SUPT20HL2: variants seen among roughly 807,000 people sequenced by gnomAD.
The protein encoded by SUPT20HL2 is SUPT20H like 2.
For synonymous variants in SUPT20HL2, 125 were observed against 51.6 expected (o/e 2.42, Z -6.10); for missense variants, 288 against 127.4 (o/e 2.26, Z -6.07).
At position 24,312,196 on chromosome X, in the gene SUPT20HL2, T is replaced by A; in HGVS notation, c.1120A>T (p.Arg374Trp). Residue 374 changes from arginine (R) to tryptophan (W), a missense_variant, in exon 1 of 1, where the codon AGG (arginine) becomes TGG (tryptophan). Arg to Trp is a moderately radical substitution (Grantham distance 101). Transcript: ENST00000486479. Reference protein sequence around the residue: ...CGKIRPRKKARQKSQKSPWQP... With the variant: ...CGKIRPRKKAWQKSQKSPWQP... ...CAGGGAGACTTCTGGCTCTTCTGCC[T>A]GGCTTTTTTACGTGGCCGTATTTTA... The A allele has an allele frequency of 2.6e-6, 1 of 385,930 alleles. No homozygotes were observed. The highest frequency in any genetic ancestry group is 2.3e-5 in the South Asian group (1 of 42,630). 31.8% of individuals were successfully genotyped at this position (385,930 alleles called of 1,213,427 possible).
Position 24,314,035 on chromosome X carries a change from C to T in SUPT20HL2, c.-720G>A. 5.5e-6 allele frequency: 2 copies of T among 365,804 alleles called. No homozygotes were observed. Among genetic ancestry groups the T allele is most frequent in the Non-Finnish European group, 1.1e-5 (2 of 187,374 alleles). The allele number at this position is 365,804 out of a possible 1,213,427, so 30.1% of individuals were successfully genotyped here. On this transcript the variant is annotated 5_prime_UTR_variant, in exon 1 of 1. Transcript: ENST00000486479. ...GTACCTGAGGGGTGATTGTCGTGGC[C>T]TGGGCTTCGCGTCTCTGAGTGCTGC...
At position 24,310,820 on chromosome X, in the gene SUPT20HL2, A is replaced by G. The variant is rs1476705965; in HGVS notation, c.*42T>C. 4 of 326,337 alleles carry G rather than the reference A, an allele frequency of 1.2e-5. No homozygotes were observed. The East Asian group carries it at 2.4e-4, about 20-fold the overall frequency. 26.9% of individuals were successfully genotyped at this position (326,337 alleles called of 1,213,427 possible). A position where few individuals can be genotyped will look rare whatever the true frequency, so the allele number is the denominator to read the frequency against. ...TAAAAACTGGGAATTCATGTGGGTC[A>G]GTGCTCCCATGCTTTTAAAAGAGAA... On this transcript the variant is annotated 3_prime_UTR_variant, in exon 1 of 1. Transcript: ENST00000486479.
At position 24,312,783 on chromosome X, in the gene SUPT20HL2, A is replaced by C. The variant is rs1421425668; in HGVS notation, c.533T>G (p.Val178Gly). The C allele has an allele frequency of 2.6e-6, 1 of 386,948 alleles. No individual in the cohort carries two copies. The allele number at this position is 386,948 out of a possible 1,213,427, so 31.9% of individuals were successfully genotyped here. A position where few individuals can be genotyped will look rare whatever the true frequency, so the allele number is the denominator to read the frequency against. The change falls in exon 1 of 1, where the codon GTG (valine) becomes GGG (glycine). Residue 178 changes from valine (V) to glycine (G), a missense_variant. By Grantham distance (109) the Val-to-Gly change is moderately radical. Transcript: ENST00000486479. ...RPTMQTLAPE[V>G]KTMTRDGEKW... ...CTCGCCATCTCTTGTCATCGTCTTCACCTCAGGGGCTAAAGTCTGCATGGT... is the reference window on the plus strand; with the variant it reads ...CTCGCCATCTCTTGTCATCGTCTTCCCCTCAGGGGCTAAAGTCTGCATGGT...
At position 24,309,035 on chromosome X, in the gene SUPT20HL2, T is replaced by C. The variant is rs756179887; in HGVS notation, c.*1827A>G. Reference sequence around the variant, plus strand: ...ATAGAAACAGAAAGCAAATTGGTGGTTGCCAGAGGCTGGGAGTGTGAAGAT... The same window carrying C: ...ATAGAAACAGAAAGCAAATTGGTGGCTGCCAGAGGCTGGGAGTGTGAAGAT... On this transcript the variant is annotated 3_prime_UTR_variant, in exon 1 of 1. Coordinates refer to ENST00000486479, the MANE Select transcript of SUPT20HL2 (RefSeq NM_001136233.3). Among the ~76,000 whole-genome samples, 5 of 111,958 alleles carry C rather than the reference T, an allele frequency of 4.5e-5. No individual in the cohort carries two copies. The East Asian group carries it at 1.4e-3, about 31-fold the overall frequency.
At position 24,309,725 on chromosome X, in the gene SUPT20HL2, T is replaced by TAAAAAAAAAAAAAAAAAAAAAAA. The variant is rs1569195686; in HGVS notation, c.*1136_*1137insTTTTTTTTTTTTTTTTTTTTTTT. 5.9e-5 allele frequency among the ~76,000 whole-genome samples: 1 copy of TAAAAAAAAAAAAAAAAAAAAAAA among 16,883 alleles called. No individual in the cohort carries two copies. The highest frequency in any genetic ancestry group is 9.2e-5 in the Non-Finnish European group (1 of 10,868). The allele number at this position is 16,883 out of a possible 115,157, so 14.7% of individuals were successfully genotyped here. On this transcript the variant is annotated 3_prime_UTR_variant, in exon 1 of 1. Transcript: ENST00000486479. The stretch of plus-strand genomic sequence containing the variant: ...AAAATTAAAAAAAAAAAGAAAAAAA[T>TAAAAAAAAAAAAAAAAAAAAAAA]AATAAAAATAAAAAAAAAAAGAAAA...
rs1939100998 is a variant in SUPT20HL2, at chrX:24,309,744, A to AAAAAAAAAC, written c.*1117_*1118insGTTTTTTTT. Among the ~76,000 whole-genome samples, 1 of 50,237 alleles carries AAAAAAAAAC rather than the reference A, an allele frequency of 2.0e-5. No homozygotes were observed. Among genetic ancestry groups the AAAAAAAAAC allele is most frequent in the Non-Finnish European group, 3.5e-5 (1 of 28,745 alleles). The allele number at this position is 50,237 out of a possible 115,157, so 43.6% of individuals were successfully genotyped here. ...AAAAAATAATAAAAATAAAAAAAAA[A>AAAAAAAAAC]AGAAAAAAAAAAAAAAAAAAAAAAA... On this transcript the variant is annotated 3_prime_UTR_variant, in exon 1 of 1. Transcript: ENST00000486479.
At position 24,310,304 on chromosome X, in the gene SUPT20HL2, A is replaced by G. The variant is rs1939111085; in HGVS notation, c.*558T>C. 1.8e-5 allele frequency among the ~76,000 whole-genome samples: 2 copies of G among 111,481 alleles called. No homozygotes were observed. The highest frequency in any genetic ancestry group is 3.8e-5 in the Non-Finnish European group (2 of 53,136). On this transcript the variant is annotated 3_prime_UTR_variant, in exon 1 of 1. Transcript: ENST00000486479. The stretch of plus-strand genomic sequence containing the variant: ...AGGGACTGGATGAGGGAGAATGGGG[A>G]GCTGGTGTTCAATGGGCATGAGTTT...
rs1939098610 is a variant in SUPT20HL2, at chrX:24,309,728, T to TAAAAAAAA, written c.*1133_*1134insTTTTTTTT. ...ATTAAAAAAAAAAAGAAAAAAATAA[T>TAAAAAAAA]AAAAATAAAAAAAAAAAGAAAAAAA... On this transcript the variant is annotated 3_prime_UTR_variant, in exon 1 of 1. Transcript: ENST00000486479. Among the ~76,000 whole-genome samples, 8 of 12,772 alleles carry TAAAAAAAA rather than the reference T, an allele frequency of 6.3e-4. No homozygotes were observed. The highest frequency in any genetic ancestry group is 1.7e-3 in the African/African-American group (3 of 1,794). The allele number at this position is 12,772 out of a possible 115,157, so 11.1% of individuals were successfully genotyped here.
At position 24,311,767 on chromosome X, in the gene SUPT20HL2, A is replaced by AAGCAGCAGCAGC. The variant is rs917907762; in HGVS notation, c.1548_1549insGCTGCTGCTGCT (p.Ala516_Leu517insAlaAlaAlaAla). The AAGCAGCAGCAGC allele has an allele frequency of 5.8e-6, 2 of 345,331 alleles. No individual in the cohort carries two copies. The highest frequency in any genetic ancestry group is 6.2e-5 in the African/African-American group (2 of 32,163). The allele number at this position is 345,331 out of a possible 1,213,427, so 28.5% of individuals were successfully genotyped here. A position where few individuals can be genotyped will look rare whatever the true frequency, so the allele number is the denominator to read the frequency against. On this transcript the variant is annotated inframe_insertion, in exon 1 of 1. Coordinates refer to ENST00000486479, the MANE Select transcript of SUPT20HL2 (RefSeq NM_001136233.3). ...GCCGCCGCCACAGCAGCAGCAGCTA[A>AAGCAGCAGCAGC]AGCAGGAGCAGCAGCAGGAGCAGGA...
At position 24,310,743 on chromosome X, in the gene SUPT20HL2, T is replaced by C. The variant is rs1035715207; in HGVS notation, c.*119A>G. On this transcript the variant is annotated 3_prime_UTR_variant, in exon 1 of 1. Coordinates refer to ENST00000486479, the MANE Select transcript of SUPT20HL2 (RefSeq NM_001136233.3). ...GTGGATTGTGCTTCTGTGTAAAGTGTGTATTTTAAAATGTAAAATACCAAA... is the reference window on the plus strand; with the variant it reads ...GTGGATTGTGCTTCTGTGTAAAGTGCGTATTTTAAAATGTAAAATACCAAA... 8 of 265,453 alleles carry C rather than the reference T, an allele frequency of 3.0e-5. No homozygotes were observed. In the Admixed American group the frequency reaches 3.2e-4, roughly 11 times the overall value. 21.9% of individuals were successfully genotyped at this position (265,453 alleles called of 1,213,427 possible).
rs1569195725 is a variant in SUPT20HL2, at chrX:24,309,765, A to AAC, written c.*1096_*1097insGT. On this transcript the variant is annotated 3_prime_UTR_variant, in exon 1 of 1. Coordinates refer to ENST00000486479, the MANE Select transcript of SUPT20HL2 (RefSeq NM_001136233.3). ...AAAAAAGAAAAAAAAAAAAAAAAAA[A>AAC]AAAACATCCAAAAAGAGCCTTTTCA... is the stretch of plus-strand genomic sequence containing the variant. 4.1e-4 allele frequency among the ~76,000 whole-genome samples: 38 copies of AAC among 92,763 alleles called. No homozygotes were observed. The highest frequency in any genetic ancestry group is 1.1e-3 in the African/African-American group (29 of 25,652). The allele number at this position is 92,763 out of a possible 115,157, so 80.6% of individuals were successfully genotyped here. A position where few individuals can be genotyped will look rare whatever the true frequency, so the allele number is the denominator to read the frequency against.
rs1939133457 is a variant in SUPT20HL2, at chrX:24,311,803, GAGCAGCAGCAGCTAC to G, written c.1498_1512del (p.Val500_Ala504del). 3.0e-6 allele frequency: 1 copy of G among 335,237 alleles called. No homozygotes were observed. Among genetic ancestry groups the G allele is most frequent in the African/African-American group, 2.7e-5 (1 of 37,626 alleles). 27.6% of individuals were successfully genotyped at this position (335,237 alleles called of 1,213,427 possible). On this transcript the variant is annotated inframe_deletion, in exon 1 of 1. Transcript: ENST00000486479. Reference sequence around the variant, plus strand: ...GCAGCAGGAGCAGGAGCAGGAGCAGGAGCAGCAGCAGCTACAGCAGGAGCAGCAGCAGGAAATGGA... The same window carrying G: ...GCAGCAGGAGCAGGAGCAGGAGCAGGAGCAGGAGCAGCAGCAGGAAATGGA...
rs1311160032 is a variant in SUPT20HL2, at chrX:24,308,685, A to G, written c.*2177T>C. Among the ~76,000 whole-genome samples the G allele has an allele frequency of 3.7e-4, 41 of 112,104 alleles. No homozygotes were observed. The highest frequency in any genetic ancestry group is 1.0e-3 in the African/African-American group (31 of 30,875). On this transcript the variant is annotated 3_prime_UTR_variant, in exon 1 of 1. Coordinates refer to ENST00000486479, the MANE Select transcript of SUPT20HL2 (RefSeq NM_001136233.3). The stretch of plus-strand genomic sequence containing the variant: ...AGAGAAATGTACATGTGTACCTAGA[A>G]AAACTAATATTACATAGGGTACCCT...
rs1939098610 is a variant in SUPT20HL2 at position 24,309,728 on chromosome X, T to TA, written c.*1133dup. Among the ~76,000 whole-genome samples the TA allele has an allele frequency of 1.4e-3, 18 of 12,770 alleles. No homozygotes were observed. The highest frequency in any genetic ancestry group is 5.0e-3 in the African/African-American group (9 of 1,796). The allele number at this position is 12,770 out of a possible 115,157, so 11.1% of individuals were successfully genotyped here. On this transcript the variant is annotated 3_prime_UTR_variant, in exon 1 of 1. Coordinates refer to ENST00000486479, the MANE Select transcript of SUPT20HL2 (RefSeq NM_001136233.3). ...ATTAAAAAAAAAAAGAAAAAAATAA[T>TA]AAAAATAAAAAAAAAAAGAAAAAAA... is the stretch of plus-strand genomic sequence containing the variant.
chrX:24,310,292 G>A lies in SUPT20HL2; in HGVS notation c.*570C>T, dbSNP rs892461943. Among the ~76,000 whole-genome samples the A allele has an allele frequency of 9.0e-6, 1 of 111,590 alleles. No homozygotes were observed. The highest frequency in any genetic ancestry group is 3.3e-5 in the African/African-American group (1 of 30,645). On this transcript the variant is annotated 3_prime_UTR_variant, in exon 1 of 1. Transcript: ENST00000486479. ...ACAATGGCTGCCAGGGACTGGATGA[G>A]GGAGAATGGGGAGCTGGTGTTCAAT...
rs1167614661 is a variant in SUPT20HL2 at position 24,310,950 on chromosome X, T to A, written c.2366A>T (p.Gln789Leu). The A allele has an allele frequency of 2.6e-6, 1 of 387,047 alleles. No individual in the cohort carries two copies. The allele number at this position is 387,047 out of a possible 1,213,427, so 31.9% of individuals were successfully genotyped here. ...QPVFLATGAV[Q>L]IVQPHPGVQA... is the part of the protein sequence containing the mutation. ...CACACCTGGATGTGGCTGCACTATCTGAACAGCGCCTGTTGCCAAAAACAC... is the reference window on the plus strand; with the variant it reads ...CACACCTGGATGTGGCTGCACTATCAGAACAGCGCCTGTTGCCAAAAACAC... The change falls in exon 1 of 1, where the codon CAG (glutamine) becomes CTG (leucine). Residue 789 changes from glutamine to leucine, a missense_variant. Coordinates refer to ENST00000486479, the MANE Select transcript of SUPT20HL2 (RefSeq NM_001136233.3).
chrX:24,309,746 G>GAAAA lies in SUPT20HL2; in HGVS notation c.*1112_*1115dup. On this transcript the variant is annotated 3_prime_UTR_variant, in exon 1 of 1. Transcript: ENST00000486479. ...AAAATAATAAAAATAAAAAAAAAAA[G>GAAAA]AAAAAAAAAAAAAAAAAAAAAAACA... Among the ~76,000 whole-genome samples, 10 of 21,788 alleles carry GAAAA rather than the reference G, an allele frequency of 4.6e-4. 1 individual carries two copies. The highest frequency in any genetic ancestry group is 2.1e-3 in the East Asian group (1 of 486). The allele number at this position is 21,788 out of a possible 115,157, so 18.9% of individuals were successfully genotyped here.
At position 24,311,925 on chromosome X, in the gene SUPT20HL2, C is replaced by A. The variant is rs748419749; in HGVS notation, c.1391G>T (p.Arg464Leu). 6 of 377,626 alleles carry A rather than the reference C, an allele frequency of 1.6e-5. No individual in the cohort carries two copies. The highest frequency in any genetic ancestry group is 3.2e-5 in the Non-Finnish European group (6 of 188,907). 31.1% of individuals were successfully genotyped at this position (377,626 alleles called of 1,213,427 possible). A position where few individuals can be genotyped will look rare whatever the true frequency, so the allele number is the denominator to read the frequency against. ...TCCTGAGCTTGAGGGAAGTTGGGTG[C>A]GGGGAGGTGGATGTTTCTCTCCCTT... Reference protein sequence around the residue: ...SGKGEKHPPPRTQLPSSSGKI... With the variant: ...SGKGEKHPPPLTQLPSSSGKI... Residue 464 changes from arginine (R) to leucine (L), a missense_variant, in exon 1 of 1, where the codon CGC becomes CTC. Arg to Leu is a moderately radical substitution (Grantham distance 102). Transcript: ENST00000486479.
rs139232512 is a variant in SUPT20HL2 at position 24,311,676 on chromosome X, C to G, written c.1640G>C (p.Arg547Pro). ...GGTGGGGCGCCCGGCAGCTGGACGG[C>G]GCCTGCTAGCTTTAATAAGAGGCAC... ...PSVPLIKASR[R>P]RPAAGRPTRF... Residue 547 changes from arginine (R) to proline (P), a missense_variant, in exon 1 of 1, where the codon CGC becomes CCC. By Grantham distance (103) the Arg-to-Pro change is moderately radical. Transcript: ENST00000486479. 7.8e-6 allele frequency: 3 copies of G among 382,543 alleles called. No individual in the cohort carries two copies. Among genetic ancestry groups the G allele is most frequent in the South Asian group, 4.7e-5 (2 of 42,428 alleles). The allele number at this position is 382,543 out of a possible 1,213,427, so 31.5% of individuals were successfully genotyped here.
Sources: gnomAD v4.1 joint callset for allele counts (sites outside exome capture counted in the v4.1 genomes callset) on GRCh38, gnomAD v4.1.1 for gene constraint, MANE v1.5 for transcripts, NCBI Gene and HGNC (gene_info 2026-07-23, HGNC 2026-07-21) for gene names.